Variants in CELF1 observed in about 807,000 individuals in gnomAD.
CELF1 encodes the protein CUGBP Elav-like family member 1, also known as 50 kDa nuclear polyadenylated RNA-binding protein.
In CELF1, 10 loss-of-function variants were observed where a neutral mutation model predicts 61.8. The ratio of observed to expected loss-of-function variants is 0.16; its 90% CI spans 0.10 to 0.27. The LOEUF is 0.27. Ranked by LOEUF, CELF1 falls within the 10% of genes least tolerant of loss-of-function variation. The pLI is 1.00. For synonymous variants in CELF1, 236 were observed against 225.1 expected, an observed-to-expected ratio of 1.05 and a Z score of -0.43; for missense variants, 380 against 639.1, an observed-to-expected ratio of 0.59 and a Z score of 4.37.
intron 1 of CELF1, among the ~76,000 whole-genome samples, chr11:47,501,405 G>T (rs570877063): frequency 6.6e-5 from 10 of 152,260 alleles, no homozygotes; most frequent in African/African-American, 2.2e-4. Context: ...GGAACTGATG[G>T]CATGCCTCTT....
In CELF1 at chr11:47,472,307, T is replaced by C. The variant is rs767288677; in HGVS notation, c.1468A>G (p.Met490Val). 4 of 1,614,184 alleles carry C rather than the reference T, an allele frequency of 2.5e-6. No homozygotes were observed. In the Admixed American group the frequency reaches 5.0e-5, roughly 20 times the overall value. Residue 490 changes from methionine to valine, a missense_variant, in exon 15 of 15, where the codon ATG (methionine) becomes GTG (valine). Transcript: ENST00000687097. ...PVSAQAAIQS[M>V]NGFQIGMKRL... ...TTCATGCCAATCTGAAAGCCGTTCA[T>C]GGACTGGATGGCAGCTTGGGCCGAA...
intron 3 of CELF1, among the ~76,000 whole-genome samples, chr11:47,496,905 G>C (rs1030518124): frequency 6.6e-6 from 1 of 152,222 alleles, no homozygotes; most frequent in South Asian, 2.1e-4. Context: ...TGAATGATCA[G>C]ATCTGTCCTT....
Position 47,553,085 on chromosome 11 carries a change from G to C in CELF1, c.-247C>G, listed in dbSNP as rs1044400543. 2 of 399,788 alleles carry C rather than the reference G, an allele frequency of 5.0e-6. No individual in the cohort carries two copies. The highest frequency in any genetic ancestry group is 4.4e-6 in the Non-Finnish European group (1 of 227,154). The allele number at this position is 399,788 out of a possible 1,614,324, so 24.8% of individuals were successfully genotyped here. A position where few individuals can be genotyped will look rare whatever the true frequency, so the allele number is the denominator to read the frequency against. On this transcript the variant is annotated 5_prime_UTR_variant, in exon 1 of 15. Transcript: ENST00000687097. ...TCGCTGCTGAGGCCGAATCCCGGGG[G>C]AGCCTCCGCGTCCCGCCGCCGCTGC...
chr11:47,493,707 T>C (rs1480490117), intron 3 of CELF1, among the ~76,000 whole-genome samples: 1 of 151,772 alleles, frequency 6.6e-6, no homozygotes, highest in East Asian at 1.9e-4. Flanking sequence ...TCATTCTCAT[T>C]GCATTTTACA....
chr11:47,516,323 A>T (rs2095550463), intron 1 of CELF1, among the ~76,000 whole-genome samples: 1 of 152,234 alleles, frequency 6.6e-6, no homozygotes, highest in African/African-American at 2.4e-5. Context: ...AAAGTAAAAT[A>T]GAGATGACTT....
At chr11:47,530,458 T>C (rs1359223848) in intron 1 of CELF1, among the ~76,000 whole-genome samples, 1 of 152,218 alleles carries the variant, frequency 6.6e-6, no homozygotes, top group African/African-American at 2.4e-5. Flanking sequence ...CATGCTTTAA[T>C]GTGGGCCCAG....
intron 1 of CELF1, among the ~76,000 whole-genome samples, chr11:47,540,840 G>A (rs1263083534): frequency 1.3e-5 from 2 of 152,178 alleles, no homozygotes; most frequent in East Asian, 3.9e-4. Flanking sequence ...AGCCGAGATC[G>A]CGCCACTGGA....
intron 3 of CELF1, among the ~76,000 whole-genome samples, chr11:47,489,935 G>GTTTTTTTTTTGTTTTTTT (rs2090272731): frequency 2.1e-5 from 1 of 48,228 alleles, no homozygotes; most frequent in East Asian, 6.0e-4. Flanking sequence ...ATACCATCTT[G>GTTTTTTTTTTGTTTTTTT]TTTTTTTTTT....
chr11:47,477,415 T>C lies in CELF1; in HGVS notation c.855A>G (p.Ala285=). The change falls in exon 11 of 15, where the codon GCA becomes GCG. Residue 285 remains alanine (A), a synonymous_variant. Transcript: ENST00000687097. The part of the protein sequence containing the change: ...SSLHPMGGLN[A]MQLQNLAALA... Reference sequence around the variant, plus strand: ...GTGCAGCCAAATTCTGTAACTGCATTGCATTCAACCCTACAACATCCAAAG... The same window carrying C: ...GTGCAGCCAAATTCTGTAACTGCATCGCATTCAACCCTACAACATCCAAAG... The C allele has an allele frequency of 6.2e-7, 1 of 1,613,884 alleles. No individual in the cohort carries two copies. Among genetic ancestry groups the C allele is most frequent in the Non-Finnish European group, 8.5e-7 (1 of 1,179,946 alleles).
At position 47,499,479 on chromosome 11, in the gene CELF1, A is replaced by T. The variant is rs1597040121; in HGVS notation, c.45T>A (p.Asp15Glu). The stretch of plus-strand genomic sequence containing the variant: ...CGGGACTGGAATTCAAAGAGCAATG[A>T]TCCACCATCATTTCTGGAAGGAAAT... ...KLDFLPEMMV[D>E]HCSLNSSPVS... Residue 15 changes from aspartate (D) to glutamate (E), a missense_variant, in exon 3 of 15, where the codon GAT (aspartate) becomes GAA (glutamate). Coordinates refer to ENST00000687097, the MANE Select transcript of CELF1 (RefSeq NM_001376376.1). 1 of 1,536,066 alleles carries T rather than the reference A, an allele frequency of 6.5e-7. No individual in the cohort carries two copies. The highest frequency in any genetic ancestry group is 2.4e-5 in the East Asian group (1 of 40,920).
At chr11:47,480,469 T>C (rs1328535026) in intron 9 of CELF1, among the ~76,000 whole-genome samples, 1 of 152,140 alleles carries the variant, frequency 6.6e-6, no homozygotes, top group Non-Finnish European at 1.5e-5. Context: ...TTCATTTCCC[T>C]CCAAATGAGA....
At chr11:47,490,458 C>G (rs1474751007) in intron 3 of CELF1, among the ~76,000 whole-genome samples, 1 of 144,552 alleles carries the variant, frequency 6.9e-6, no homozygotes, top group Non-Finnish European at 1.5e-5. Context: ...CTGACTTTCA[C>G]TCTTATTGCC....
In CELF1 at chr11:47,528,230, A is replaced by G. The variant is rs147942315; in HGVS notation, c.-154+24762T>C. ...CGTAAAGTATGGCCTTTGATATGTC[A>G]GTTCTCCTCCCTTATTTCCTCAAGA... On this transcript the variant is annotated intron_variant, in intron 1 of 14. Coordinates refer to ENST00000687097, the MANE Select transcript of CELF1 (RefSeq NM_001376376.1). Among the ~76,000 whole-genome samples the G allele has an allele frequency of 2.5e-3, 386 of 152,178 alleles. 3 individuals are homozygous for G. Among genetic ancestry groups the G allele is most frequent in the African/African-American group, 8.7e-3 (363 of 41,524 alleles).
At chr11:47,562,289 G>A (rs2097228468) in intron 2 of CELF1, among the ~76,000 whole-genome samples, 1 of 151,318 alleles carries the variant, frequency 6.6e-6, no homozygotes, top group Admixed American at 6.6e-5. Flanking sequence ...ACTTAGAGAG[G>A]CTGAGGCAGG....
chr11:47,528,709 C>G (rs914582397), intron 1 of CELF1, among the ~76,000 whole-genome samples: 2 of 152,016 alleles, frequency 1.3e-5, no homozygotes, highest in Non-Finnish European at 2.9e-5. Context: ...CAGTGAGACC[C>G]CATCTCCACA....
At chr11:47,550,557 G>C (rs1252331624) in intron 1 of CELF1, among the ~76,000 whole-genome samples, 2 of 152,182 alleles carry the variant, frequency 1.3e-5, no homozygotes, top group Middle Eastern at 3.4e-3. Flanking sequence ...CTGTGACTAA[G>C]ATAAGCCTAT....
intron 1 of CELF1, among the ~76,000 whole-genome samples, chr11:47,564,965 A>G (rs2097240106): frequency 6.6e-6 from 1 of 152,100 alleles, no homozygotes; most frequent in Non-Finnish European, 1.5e-5. Context: ...GGTCAGATGA[A>G]GGAGGGAGCC....
At position 47,481,274 on chromosome 11, in the gene CELF1, C is replaced by G. The variant is rs549993284; in HGVS notation, c.768+1421G>C. On this transcript the variant is annotated intron_variant, in intron 9 of 14. Coordinates refer to ENST00000687097, the MANE Select transcript of CELF1 (RefSeq NM_001376376.1). ...TCCCGAGCAGCTGGGATTACAGGCA[C>G]CTGCCACCACACCCATGTAATTTTT... Among the ~76,000 whole-genome samples, 4 of 151,706 alleles carry G rather than the reference C, an allele frequency of 2.6e-5. No individual in the cohort carries two copies. In the South Asian group the frequency reaches 8.4e-4, roughly 32 times the overall value.
chr11:47,486,947 G>A (rs2087717890), intron 5 of CELF1, 149 bp from the exon 6 acceptor site: 1 of 749,332 alleles, frequency 1.3e-6, no homozygotes. Context: ...AACAGAATGT[G>A]AGTCAAGAAG....
Sources: gnomAD v4.1 joint callset for allele counts (sites outside exome capture counted in the v4.1 genomes callset) on GRCh38, gnomAD v4.1.1 for gene constraint, MANE v1.5 for transcripts, NCBI Gene and HGNC (gene_info 2026-07-23, HGNC 2026-07-21) for gene names.